The following CNOT8 variants were observed in gnomAD, a reference collection of about 807,000 sequenced individuals.
CNOT8 encodes CCR4-NOT transcription complex subunit 8.
In CNOT8, 18 loss-of-function variants were observed where a neutral mutation model predicts 34.6. The observed-to-expected ratio is 0.52, with a 90% CI of 0.36 to 0.77. CNOT8 has a LOEUF of 0.77. Ranked by LOEUF, CNOT8 falls within the 30% of genes least tolerant of loss-of-function variation. The pLI is 0.00. For synonymous variants in CNOT8, 101 were observed against 118.8 expected (o/e 0.85, Z 0.98); for missense variants, 189 against 347.9 (o/e 0.54, Z 3.63).
rs1439470516 is a variant in CNOT8, at chr5:154,871,975, G to C, written c.618+101G>C. Reference sequence around the variant, plus strand: ...GTTCAGCATGCATTTTTGAGTACTAGATGCTAGTGTGGTGGTAGACAGGGT... The same window carrying C: ...GTTCAGCATGCATTTTTGAGTACTACATGCTAGTGTGGTGGTAGACAGGGT... On this transcript the variant is annotated intron_variant, in intron 5 of 6. Transcript: ENST00000285896. 5 of 952,364 alleles carry C rather than the reference G, an allele frequency of 5.3e-6. No individual in the cohort carries two copies. In the South Asian group the frequency reaches 6.4e-5, roughly 12 times the overall value. The allele number at this position is 952,364 out of a possible 1,614,324, so 59.0% of individuals were successfully genotyped here. A position where few individuals can be genotyped will look rare whatever the true frequency, so the allele number is the denominator to read the frequency against.
chr5:154,871,121 G>T (rs1762446609), intron 4 of CNOT8, among the ~76,000 whole-genome samples: 1 of 152,128 alleles, frequency 6.6e-6, no homozygotes, highest in African/African-American at 2.4e-5. Context: ...GGCTGTCTCG[G>T]AGTTTCTTAG....
At position 154,863,404 on chromosome 5, in the gene CNOT8, C is replaced by A; in HGVS notation, c.117+9C>A. Reference sequence around the variant, plus strand: ...ACAGTTATATTGCCATGGTAAGGAGCTCTACTCTGACTCACCTTCTTTGTC... The same window carrying A: ...ACAGTTATATTGCCATGGTAAGGAGATCTACTCTGACTCACCTTCTTTGTC... On this transcript the variant is annotated intron_variant, in intron 2 of 6. Transcript: ENST00000285896. 1 of 1,577,936 alleles carries A rather than the reference C, an allele frequency of 6.3e-7. No homozygotes were observed. The highest frequency in any genetic ancestry group is 8.7e-7 in the Non-Finnish European group (1 of 1,147,152).
At chr5:154,865,528 A>G (rs887967821) in intron 3 of CNOT8, 143 bp downstream of exon 3, 33 of 541,940 alleles carry the variant, frequency 6.1e-5, no homozygotes, top group African/African-American at 5.8e-4. Context: ...CAGCAGCTCA[A>G]CAATGAAAAG....
chr5:154,863,257 C>A lies in CNOT8; in HGVS notation c.-22C>A, dbSNP rs749628718. ...CACTGTAAAACTAGTTAGCTGAAGA[C>A]GACTTCTCAGGTTTCTTCAGGATGC... On this transcript the variant is annotated 5_prime_UTR_variant, in exon 2 of 7. Coordinates refer to ENST00000285896, the MANE Select transcript of CNOT8 (RefSeq NM_001301073.2). 3 of 1,566,584 alleles carry A rather than the reference C, an allele frequency of 1.9e-6. No homozygotes were observed. Among genetic ancestry groups the A allele is most frequent in the Non-Finnish European group, 2.6e-6 (3 of 1,136,424 alleles).
Position 154,875,767 on chromosome 5 carries a change from G to A in CNOT8, c.*328G>A, listed in dbSNP as rs1478420744. On this transcript the variant is annotated 3_prime_UTR_variant, in exon 7 of 7. Coordinates refer to ENST00000285896, the MANE Select transcript of CNOT8 (RefSeq NM_001301073.2). ...CAAGTCTGAAACAAAGTAGTAAAATGTATATAACTCTTACCTGTTGTCATT... is the reference window on the plus strand; with the variant it reads ...CAAGTCTGAAACAAAGTAGTAAAATATATATAACTCTTACCTGTTGTCATT... 3 of 213,492 alleles carry A rather than the reference G, an allele frequency of 1.4e-5. No individual in the cohort carries two copies. Among genetic ancestry groups the A allele is most frequent in the Non-Finnish European group, 2.8e-5 (3 of 105,764 alleles). The allele number at this position is 213,492 out of a possible 1,614,324, so 13.2% of individuals were successfully genotyped here.
intron 1 of CNOT8, among the ~76,000 whole-genome samples, chr5:154,860,487 T>C (rs886741757): frequency 6.6e-6 from 1 of 152,172 alleles, no homozygotes; most frequent in Non-Finnish European, 1.5e-5. Context: ...TTTGTACTTT[T>C]TGTAGAGACG....
In CNOT8 at chr5:154,872,647, A is replaced by G. The variant is rs375170301; in HGVS notation, c.725A>G (p.Lys242Arg). 1.2e-6 allele frequency: 2 copies of G among 1,605,628 alleles called. No homozygotes were observed. The highest frequency in any genetic ancestry group is 2.7e-5 in the African/African-American group (2 of 74,776). Reference sequence around the variant, plus strand: ...ACAGGAATGGCTTTCTTTAGGATGAAAGAGGTAAGCTTCCTTGAATGTGAT... The same window carrying G: ...ACAGGAATGGCTTTCTTTAGGATGAGAGAGGTAAGCTTCCTTGAATGTGAT... ...LLTGMAFFRM[K>R]ELFFEDSIDD... Residue 242 changes from lysine (K) to arginine (R), a missense_variant, in exon 6 of 7, where the codon AAA (lysine) becomes AGA (arginine). Around this residue, in one of 2 missense-constraint regions of CNOT8, gnomAD observed 160 missense variants for 321.9 expected, o/e 0.50. Coordinates refer to ENST00000285896, the MANE Select transcript of CNOT8 (RefSeq NM_001301073.2).
intron 2 of CNOT8, among the ~76,000 whole-genome samples, chr5:154,864,962 C>T (rs1484190628): frequency 6.6e-6 from 1 of 152,062 alleles, no homozygotes; most frequent in Non-Finnish European, 1.5e-5. Context: ...GGATTGATTG[C>T]ACCTGTGAGG....
At chr5:154,864,454 T>TC (rs201206903) in intron 2 of CNOT8, among the ~76,000 whole-genome samples, 2 of 148,110 alleles carry the variant, frequency 1.4e-5, no homozygotes, top group African/African-American at 5.1e-5. Context: ...CGAGACTCCG[T>TC]CCCAAAAAAA....
intron 3 of CNOT8, among the ~76,000 whole-genome samples, chr5:154,866,022 T>C (rs1489584576): frequency 6.6e-6 from 1 of 152,184 alleles, no homozygotes; most frequent in Non-Finnish European, 1.5e-5. Flanking sequence ...TTCAGTTCTT[T>C]TGGATGTATG....
At chr5:154,873,469 C>T in intron 6 of CNOT8, among the ~76,000 whole-genome samples, 1 of 152,096 alleles carries the variant, frequency 6.6e-6, no homozygotes, top group East Asian at 1.9e-4. Context: ...ATGGTAAGTT[C>T]TGTTAATTAT....
chr5:154,864,465 A>G (rs1761672912), intron 2 of CNOT8, among the ~76,000 whole-genome samples: 1 of 152,114 alleles, frequency 6.6e-6, no homozygotes, highest in African/African-American at 2.4e-5. Flanking sequence ...CCCAAAAAAA[A>G]AAAAGAAATT....
intron 4 of CNOT8, among the ~76,000 whole-genome samples, chr5:154,871,349 A>G (rs1248285222): frequency 6.6e-6 from 1 of 152,126 alleles, no homozygotes; most frequent in Admixed American, 6.5e-5. Flanking sequence ...ACCTGAGGTC[A>G]GGAGTTCGAG....
At position 154,863,385 on chromosome 5, in the gene CNOT8, A is replaced by G. The variant is rs1761539902; in HGVS notation, c.107A>G (p.Tyr36Cys). ...CGAGAAATCGTGCTCAGTTACAGTT[A>G]TATTGCCATGGTAAGGAGCTCTACT... Reference protein sequence around the residue: ...KIREIVLSYSYIAMDTEFPGV... With the variant: ...KIREIVLSYSCIAMDTEFPGV... The change falls in exon 2 of 7, where the codon TAT becomes TGT. Residue 36 changes from tyrosine to cysteine, a missense_variant. Physicochemically the swap from Tyr to Cys is radical, Grantham distance 194. This residue lies in a region of CNOT8 where 160 missense variants were observed against 321.9 expected (regional missense o/e 0.50). Transcript: ENST00000285896. 6.2e-7 allele frequency: 1 copy of G among 1,609,462 alleles called. No individual in the cohort carries two copies. Among genetic ancestry groups the G allele is most frequent in the African/African-American group, 1.3e-5 (1 of 74,828 alleles).
At position 154,861,944 on chromosome 5, in the gene CNOT8, C is replaced by T. The variant is rs1294091554; in HGVS notation, c.-72-1263C>T. ...CTATCTCCTGACCTTGTGATCCGCCCGCCTCGGCCTTCCAAAGTGCTGAGA... is the reference window on the plus strand; with the variant it reads ...CTATCTCCTGACCTTGTGATCCGCCTGCCTCGGCCTTCCAAAGTGCTGAGA... On this transcript the variant is annotated intron_variant, in intron 1 of 6. Transcript: ENST00000285896. 3.3e-5 allele frequency among the ~76,000 whole-genome samples: 5 copies of T among 152,254 alleles called. No individual in the cohort carries two copies. The South Asian group carries it at 8.3e-4, about 25-fold the overall frequency.
At chr5:154,864,568 G>A (rs935860994) in intron 2 of CNOT8, among the ~76,000 whole-genome samples, 5 of 151,824 alleles carry the variant, frequency 3.3e-5, no homozygotes, top group African/African-American at 1.2e-4. Context: ...CTGAATGGCT[G>A]TTTCACTTCC....
chr5:154,870,888 T>C, intron 4 of CNOT8, 66 bp downstream of exon 4: 1 of 1,430,078 alleles, frequency 7.0e-7, no homozygotes, highest in Non-Finnish European at 9.6e-7. Context: ...AATTGAATTC[T>C]TAGTCATTTT....
chr5:154,873,070 A>G (rs1762625524), intron 6 of CNOT8, among the ~76,000 whole-genome samples: 1 of 145,082 alleles, frequency 6.9e-6, no homozygotes, highest in African/African-American at 2.6e-5. Context: ...TGCCTGGCCG[A>G]ATTTTTTGTA....
At chr5:154,861,941 G>A (rs913724370) in intron 1 of CNOT8, among the ~76,000 whole-genome samples, 6 of 152,086 alleles carry the variant, frequency 3.9e-5, no homozygotes, top group African/African-American at 7.2e-5. Flanking sequence ...CTTGTGATCC[G>A]CCCGCCTCGG....
Sources: gnomAD v4.1 joint callset for allele counts (sites outside exome capture counted in the v4.1 genomes callset) on GRCh38, gnomAD v4.1.1 for gene constraint, gnomAD v4.1.1 regional missense constraint, MANE v1.5 for transcripts, NCBI Gene and HGNC (gene_info 2026-07-23, HGNC 2026-07-21) for gene names.